The following FLT4 variants were observed in gnomAD, a reference collection of about 807,000 sequenced individuals.
FLT4 encodes vascular endothelial growth factor receptor 3.
A neutral mutation model predicts 163.2 loss-of-function variants in FLT4; 30 were observed. The ratio of observed to expected loss-of-function variants is 0.18; its 90% confidence interval spans 0.14 to 0.25. FLT4 has a LOEUF of 0.25. Ranked by LOEUF, FLT4 falls within the 10% of genes least tolerant of loss-of-function variation. The probability of loss-of-function intolerance (pLI) is 1.00; values close to 1 mark genes in which losing one functional copy is unlikely to be tolerated. For synonymous variants in FLT4, 884 were observed against 789.5 expected, an observed-to-expected ratio of 1.12 and a Z score of -2.01; for missense variants, 1,510 against 1,863.8, an observed-to-expected ratio of 0.81 and a Z score of 3.50.
At chr5:180,639,375 A>ATGGG (rs779134590) in intron 1 of FLT4, among the ~76,000 whole-genome samples, 1,271 of 90,742 alleles carry the variant, frequency 0.014, 21 homozygotes, top group African/African-American at 0.043. Context: ...AGATGAGTGG[A>ATGGG]TGGGTGGATG....
Position 180,606,480 on chromosome 5 carries a change from G to A in FLT4, c.3893+2488C>T, listed in dbSNP as rs554224249. 1.8e-4 allele frequency among the ~76,000 whole-genome samples: 27 copies of A among 152,278 alleles called. No homozygotes were observed. In the South Asian group the frequency reaches 1.9e-3, roughly 11 times the overall value. On this transcript the variant is annotated intron_variant, in intron 29 of 29. Coordinates refer to ENST00000261937, the MANE Select transcript of FLT4 (RefSeq NM_182925.5). ...CTCCCACCATGGTGCAGGCTCAGCC[G>A]TGCGGGTCCTGGCGTTGAGTCCCCA... is the stretch of plus-strand genomic sequence containing the variant.
chr5:180,609,112 C>T lies in FLT4; in HGVS notation c.3808-59G>A. The T allele has an allele frequency of 3.5e-6, 5 of 1,429,756 alleles. No individual in the cohort carries two copies. In the South Asian group the frequency reaches 4.6e-5, roughly 13 times the overall value. The allele number at this position is 1,429,756 out of a possible 1,614,324, so 88.6% of individuals were successfully genotyped here. ...CGCCTGAGGCCCTCCTGCAGGGCAG[C>T]CACCCCCAGCCAGGAAAGTGCGGCA... On this transcript the variant is annotated intron_variant, in intron 28 of 29. Coordinates refer to ENST00000261937, the MANE Select transcript of FLT4 (RefSeq NM_182925.5).
At chr5:180,631,449 G>A (rs969531236) in intron 2 of FLT4, among the ~76,000 whole-genome samples, 5 of 151,982 alleles carry the variant, frequency 3.3e-5, no homozygotes, top group East Asian at 1.9e-4. Context: ...CTCCAGCCTG[G>A]GTGACAGAGT....
At position 180,630,784 on chromosome 5, in the gene FLT4, G is replaced by A. The variant is rs373876308; in HGVS notation, c.171C>T (p.Leu57=). 2.7e-5 allele frequency: 44 copies of A among 1,604,460 alleles called. No individual in the cohort carries two copies. Among genetic ancestry groups the A allele is most frequent in the Admixed American group, 5.0e-5 (3 of 59,930 alleles). The change falls in exon 3 of 30, where the codon CTC becomes CTT. Residue 57 remains leucine (L), a synonymous_variant. Coordinates refer to ENST00000261937, the MANE Select transcript of FLT4 (RefSeq NM_182925.5). The surrounding 1 kb of genome is among the most constrained non-coding windows in gnomAD (Gnocchi z 6.3). ...CCTGAGCTCCTGGCCAAGCCCACTC[G>A]AGGGGGTGCTGTCCCCTGGCAGAGG... The part of the protein sequence containing the change: ...LSISCRGQHP[L]EWAWPGAQEA...
rs2127839130 is a variant in FLT4 at position 180,630,716 on chromosome 5, AC to A, written c.238del (p.Val80TrpfsTer53). The A allele has an allele frequency of 6.2e-7, 1 of 1,608,396 alleles. No individual in the cohort carries two copies. The highest frequency in any genetic ancestry group is 8.5e-7 in the Non-Finnish European group (1 of 1,178,376). The part of the protein sequence containing the change: ...TGDKDSEDTG[V>X]VRDCEGTDAR... ...GTCTGTGCCCTCGCAGTCTCGCACC[AC>A]CCCCGTGTCCTCGCTGTCCTTGTCT... is the stretch of plus-strand genomic sequence containing the variant. On this transcript the variant is annotated frameshift_variant, in exon 3 of 30. Coordinates refer to ENST00000261937, the MANE Select transcript of FLT4 (RefSeq NM_182925.5). LOFTEE classifies it high-confidence loss of function. The surrounding 1 kb of genome is among the most constrained non-coding windows in gnomAD (Gnocchi z 6.3).
chr5:180,611,596 G>GC, intron 26 of FLT4, 117 bp from the exon 27 acceptor site: 2 of 1,014,320 alleles, frequency 2.0e-6, no homozygotes, highest in Non-Finnish European at 2.7e-6. Context: ...CTCAGCCCTC[G>GC]CCCCCGCACT....
rs34255532 is a variant in FLT4, at chr5:180,618,911, G to A, written c.2860C>T (p.Pro954Ser). 5.7e-3 allele frequency: 9,046 copies of A among 1,585,876 alleles called. 36 individuals are homozygous for A. The highest frequency in any genetic ancestry group is 6.9e-3 in the Non-Finnish European group (8,100 of 1,167,046). The change falls in exon 21 of 30, where the codon CCC becomes TCC. Residue 954 changes from proline to serine, a missense_variant. This residue lies in a region of FLT4 where 878 missense variants were observed against 1,016.7 expected (regional missense o/e 0.86). Coordinates refer to ENST00000261937, the MANE Select transcript of FLT4 (RefSeq NM_182925.5). ...GCGCGGAAGCGTCCGCGCTGCTCGG[G>A]AGACTTCTCCTGCGGATGCACGAAG... ...DAFSPCAEKS[P>S]EQRGRFRAMV...
rs142457545 is a variant in FLT4, at chr5:180,614,120, C to T, written c.3279G>A (p.Thr1093=). The T allele has an allele frequency of 5.1e-5, 82 of 1,614,026 alleles. No individual in the cohort carries two copies. The African/African-American group carries it at 8.5e-4, about 17-fold the overall frequency. Residue 1093 remains threonine, a synonymous_variant, in exon 24 of 30, where the codon ACG becomes ACA. Transcript: ENST00000261937. ...PESIFDKVYT[T]QSDVWSFGVL... is the part of the protein sequence containing the mutation. ...CCCCAAAGGACCACACGTCACTCTGCGTGGTGTACACCTTGTCGAAGATGC... is the reference window on the plus strand; with the variant it reads ...CCCCAAAGGACCACACGTCACTCTGTGTGGTGTACACCTTGTCGAAGATGC...
chr5:180,608,395 C>T (rs1370945640), intron 29 of FLT4: 3 of 695,418 alleles, frequency 4.3e-6, no homozygotes, highest in Non-Finnish European at 7.9e-6. Context: ...CAATAAATAT[C>T]AGCGTGCTCA....
chr5:180,631,427 C>T (rs1028042763), intron 2 of FLT4, among the ~76,000 whole-genome samples: 45 of 151,854 alleles, frequency 3.0e-4, no homozygotes, highest in Non-Finnish European at 5.3e-4. Context: ...GAGCCGAGAT[C>T]GCACCACTGC....
rs1002758085 is a variant in FLT4, at chr5:180,602,575, G to A, written c.*617C>T. 1.7e-4 allele frequency: 70 copies of A among 402,502 alleles called. No homozygotes were observed. The South Asian group carries it at 2.3e-3, about 13-fold the overall frequency. The allele number at this position is 402,502 out of a possible 1,614,324, so 24.9% of individuals were successfully genotyped here. A position where few individuals can be genotyped will look rare whatever the true frequency, so the allele number is the denominator to read the frequency against. ...TGCGGGCTGCCTCTGTGTTGCCAGC[G>A]TATAATACTGTCATACTGGTGGCCA... On this transcript the variant is annotated 3_prime_UTR_variant, in exon 30 of 30. Coordinates refer to ENST00000261937, the MANE Select transcript of FLT4 (RefSeq NM_182925.5).
Position 180,622,775 on chromosome 5 carries a change from T to C in FLT4, c.1613A>G (p.Asn538Ser). 1 of 1,613,632 alleles carries C rather than the reference T, an allele frequency of 6.2e-7. No individual in the cohort carries two copies. The highest frequency in any genetic ancestry group is 8.5e-7 in the Non-Finnish European group (1 of 1,179,884). The change falls in exon 12 of 30, where the codon AAC (asparagine) becomes AGC (serine). Residue 538 changes from asparagine (N) to serine (S), a missense_variant. Transcript: ENST00000261937. ...VSAMYKCVVS[N>S]KVGQDERLIY... ...GAGCCGCTCATCCTGGCCCACCTTG[T>C]TGGAGACCACACACTTGTACATGGC...
intron 1 of FLT4, among the ~76,000 whole-genome samples, chr5:180,632,973 C>T (rs906763121): frequency 2.6e-5 from 4 of 152,054 alleles, no homozygotes; most frequent in Non-Finnish European, 5.9e-5. Flanking sequence ...CCTGGGGGCA[C>T]AGCCCACTCT....
Position 180,613,207 on chromosome 5 carries a change from C to T in FLT4, c.3332-97G>A, listed in dbSNP as rs532361289. 22 of 823,884 alleles carry T rather than the reference C, an allele frequency of 2.7e-5. 1 individual carries two copies. The highest frequency in any genetic ancestry group is 3.0e-4 in the Middle Eastern group (1 of 3,310). The allele number at this position is 823,884 out of a possible 1,614,324, so 51.0% of individuals were successfully genotyped here. A position where few individuals can be genotyped will look rare whatever the true frequency, so the allele number is the denominator to read the frequency against. On this transcript the variant is annotated intron_variant, in intron 24 of 29. Coordinates refer to ENST00000261937, the MANE Select transcript of FLT4 (RefSeq NM_182925.5). The stretch of plus-strand genomic sequence containing the variant: ...ATCCTGTCCCTTCCCCATCAAGTCA[C>T]CCCGTCCTGTCCCTTTCCCCATCCG...
intron 1 of FLT4, among the ~76,000 whole-genome samples, chr5:180,646,892 G>C (rs56268457): frequency 1.3e-5 from 2 of 152,216 alleles, no homozygotes; most frequent in Non-Finnish European, 2.9e-5. Flanking sequence ...GGAGGGCTCA[G>C]GACTCCTTCA....
At chr5:180,618,731 C>T (rs372816372) in intron 21 of FLT4, 39 bp downstream of exon 21, 62 of 1,567,440 alleles carry the variant, frequency 4.0e-5, no homozygotes, top group Non-Finnish European at 5.0e-5. Flanking sequence ...TAACCGGGCC[C>T]GTCAGGCACT....
At chr5:180,632,048 T>A (rs984386122) in intron 1 of FLT4, among the ~76,000 whole-genome samples, 1 of 152,220 alleles carries the variant, frequency 6.6e-6, no homozygotes, top group African/African-American at 2.4e-5. Context: ...GCCCTGGACC[T>A]AACCCCAACC....
chr5:180,605,100 A>C (rs1042438268), intron 29 of FLT4, among the ~76,000 whole-genome samples: 1 of 152,228 alleles, frequency 6.6e-6, no homozygotes, highest in Non-Finnish European at 1.5e-5. Flanking sequence ...GGCTGCTACC[A>C]CAGGCATGGG....
In FLT4 at chr5:180,620,745, T is replaced by C. The variant is rs780828267; in HGVS notation, c.2300-30A>G. 13 of 1,596,842 alleles carry C rather than the reference T, an allele frequency of 8.1e-6. No homozygotes were observed. Among genetic ancestry groups the C allele is most frequent in the Non-Finnish European group, 3.4e-6 (4 of 1,165,686 alleles). On this transcript the variant is annotated intron_variant, in intron 15 of 29. Transcript: ENST00000261937. The surrounding 1 kb of genome is among the most constrained non-coding windows in gnomAD (Gnocchi z 4.4). ...GTGGGCAGAAAGGGGCCGGCGTGTG[T>C]GTGTGTGTGTGTAAGAGCGTGCACC...
Sources: gnomAD v4.1 joint callset for allele counts (sites outside exome capture counted in the v4.1 genomes callset) on GRCh38, gnomAD v4.1.1 for gene constraint, gnomAD v4.1.1 regional missense constraint, Gnocchi (gnomAD v3.1) non-coding constraint, MANE v1.5 for transcripts, NCBI Gene and HGNC (gene_info 2026-07-23, HGNC 2026-07-21) for gene names.